Variants in CDK14 observed in about 807,000 individuals in gnomAD.
CDK14 encodes the protein cyclin dependent kinase 14.
A neutral mutation model predicts 60.7 loss-of-function variants in CDK14; 34 were observed. That is an observed-to-expected ratio of 0.56 (90% CI 0.43 to 0.75). The LOEUF (loss-of-function observed/expected upper bound fraction) is 0.75. Among genes scored for constraint, CDK14 ranks in the 30% least tolerant of loss-of-function variants. The probability of loss-of-function intolerance (pLI) is 0.00; values close to 1 mark genes in which losing one functional copy is unlikely to be tolerated. For synonymous variants in CDK14, 197 were observed against 203.7 expected (o/e 0.97, Z 0.28); for missense variants, 482 against 564.1 (o/e 0.85, Z 1.47).
intron 2 of CDK14, among the ~76,000 whole-genome samples, chr7:90,687,546 G>A (rs1801462759): frequency 6.6e-6 from 1 of 151,982 alleles, no homozygotes; most frequent in Non-Finnish European, 1.5e-5. Flanking sequence ...AAATAATTAA[G>A]GGATATGAAG....
chr7:91,041,673 C>G (rs1385481782), intron 10 of CDK14, among the ~76,000 whole-genome samples: 2 of 152,176 alleles, frequency 1.3e-5, no homozygotes, highest in Non-Finnish European at 2.9e-5. Context: ...TGAAAAGTGC[C>G]GATGTCAACT....
At position 90,822,357 on chromosome 7, in the gene CDK14, C is replaced by T. The variant is rs114481989; in HGVS notation, c.544+31705C>T. On this transcript the variant is annotated intron_variant, in intron 5 of 14. Coordinates refer to ENST00000380050, the MANE Select transcript of CDK14 (RefSeq NM_001287135.2). ...AGAATTTCAGAGTTACATGTGTGTA[C>T]GGGTTTGGGTGGCTCCTACATGGAT... Among the ~76,000 whole-genome samples, 1,433 of 152,236 alleles carry T rather than the reference C, an allele frequency of 9.4e-3. 27 individuals carry two copies. The highest frequency in any genetic ancestry group is 0.033 in the African/African-American group (1,374 of 41,556).
chr7:91,202,097 C>T (rs1414447626), intron 14 of CDK14, among the ~76,000 whole-genome samples: 1 of 152,140 alleles, frequency 6.6e-6, no homozygotes, highest in Non-Finnish European at 1.5e-5. Context: ...AGCGGGACTG[C>T]TCATTTTCAT....
chr7:90,622,849 A>G (rs1324305808), intron 2 of CDK14, among the ~76,000 whole-genome samples: 5 of 150,864 alleles, frequency 3.3e-5, no homozygotes, highest in Admixed American at 2.0e-4. Flanking sequence ...CTTATCTCAG[A>G]TCAAAGTTTC....
At chr7:90,947,765 A>G (rs191968675) in intron 8 of CDK14, among the ~76,000 whole-genome samples, 1 of 152,342 alleles carries the variant, frequency 6.6e-6, no homozygotes, top group East Asian at 1.9e-4. Context: ...TAAGCCTCCC[A>G]TACAAACACT....
At chr7:91,185,713 T>G (rs1203625594) in intron 14 of CDK14, among the ~76,000 whole-genome samples, 2 of 151,816 alleles carry the variant, frequency 1.3e-5, no homozygotes, top group Admixed American at 1.3e-4. Flanking sequence ...TAAATATACT[T>G]TAAATAAATA....
chr7:91,074,425 C>T (rs1274227130), intron 11 of CDK14, among the ~76,000 whole-genome samples: 1 of 152,086 alleles, frequency 6.6e-6, no homozygotes, highest in Non-Finnish European at 1.5e-5. Flanking sequence ...GAAATTAAGG[C>T]AGAAATCAAG....
chr7:90,726,634 C>T lies in CDK14; in HGVS notation c.191C>T (p.Thr64Ile). ...GACTCAGTGATCAAACCCCTGGACA[C>T]AATTCCTGAGGATAAAAAAGTCAGA... ...GMDSVIKPLD[T>I]IPEDKKVRVQ... Residue 64 changes from threonine (T) to isoleucine (I), a missense_variant, in exon 3 of 15, where the codon ACA (threonine) becomes ATA (isoleucine). Thr to Ile is a moderately conservative substitution (Grantham distance 89). Coordinates refer to ENST00000380050, the MANE Select transcript of CDK14 (RefSeq NM_001287135.2). 6.2e-7 allele frequency: 1 copy of T among 1,613,796 alleles called. No individual in the cohort carries two copies. The highest frequency in any genetic ancestry group is 1.1e-5 in the South Asian group (1 of 91,080).
At position 90,736,754 on chromosome 7, in the gene CDK14, A is replaced by C. The variant is rs552550727; in HGVS notation, c.369+9942A>C. On this transcript the variant is annotated intron_variant, in intron 3 of 14. Coordinates refer to ENST00000380050, the MANE Select transcript of CDK14 (RefSeq NM_001287135.2). ...ATTGCAGCCACTGTTTTAATGAGGAAAGCATTGTTTTTTGGAAATACTGTG... is the reference window on the plus strand; with the variant it reads ...ATTGCAGCCACTGTTTTAATGAGGACAGCATTGTTTTTTGGAAATACTGTG... 6.6e-5 allele frequency among the ~76,000 whole-genome samples: 10 copies of C among 152,274 alleles called. No homozygotes were observed. The East Asian group carries it at 1.9e-3, about 29-fold the overall frequency.
intron 14 of CDK14, among the ~76,000 whole-genome samples, chr7:91,191,565 A>T (rs1008302384): frequency 2.0e-4 from 30 of 151,878 alleles, no homozygotes; most frequent in African/African-American, 7.3e-4. Context: ...ATGTATATAT[A>T]CATAACTTAT....
intron 14 of CDK14, among the ~76,000 whole-genome samples, chr7:91,120,306 A>G (rs1799741956): frequency 6.6e-6 from 1 of 152,056 alleles, no homozygotes; most frequent in Admixed American, 6.5e-5. Context: ...GTTGCTCAGA[A>G]AGTCTCAAAG....
intron 5 of CDK14, among the ~76,000 whole-genome samples, chr7:90,814,386 TA>T (rs1271332418): frequency 1.3e-5 from 2 of 152,128 alleles, no homozygotes; most frequent in African/African-American, 4.8e-5. Flanking sequence ...AGCTTTTTTT[TA>T]AAAAAATTAT....
chr7:90,671,089 C>T (rs1801087962), intron 2 of CDK14, among the ~76,000 whole-genome samples: 2 of 152,040 alleles, frequency 1.3e-5, no homozygotes, highest in Non-Finnish European at 2.9e-5. Flanking sequence ...TTTGGTGCCC[C>T]GGCTCTCCTG....
chr7:90,689,583 C>T (rs1360571934), intron 2 of CDK14, among the ~76,000 whole-genome samples: 1 of 152,196 alleles, frequency 6.6e-6, no homozygotes, highest in Admixed American at 6.6e-5. Flanking sequence ...ATTAGATCTT[C>T]TCATACTACC....
chr7:91,066,886 C>G (rs1209289061), intron 11 of CDK14, among the ~76,000 whole-genome samples: 2 of 152,194 alleles, frequency 1.3e-5, no homozygotes, highest in African/African-American at 4.8e-5. Context: ...TGCAATGTCC[C>G]TGCACTAAGA....
chr7:90,664,927 CT>C (rs1800944393), intron 2 of CDK14, among the ~76,000 whole-genome samples: 1 of 152,042 alleles, frequency 6.6e-6, no homozygotes, highest in Non-Finnish European at 1.5e-5. Flanking sequence ...TACTGTAAAA[CT>C]TAAAGTATAA....
intron 2 of CDK14, among the ~76,000 whole-genome samples, chr7:90,628,193 G>A (rs976703447): frequency 2.0e-5 from 3 of 152,162 alleles, no homozygotes; most frequent in Non-Finnish European, 4.4e-5. Flanking sequence ...CTGGACTCAA[G>A]TAATCTACCT....
chr7:90,820,520 A>G (rs903376520), intron 5 of CDK14, among the ~76,000 whole-genome samples: 5 of 152,148 alleles, frequency 3.3e-5, no homozygotes, highest in Admixed American at 2.6e-4. Flanking sequence ...TCCTGCCACC[A>G]TGTAAGATAT....
At chr7:90,962,658 C>T (rs1562847069) in intron 9 of CDK14, among the ~76,000 whole-genome samples, 1 of 152,062 alleles carries the variant, frequency 6.6e-6, no homozygotes, top group Non-Finnish European at 1.5e-5. Flanking sequence ...TTGTTCACTA[C>T]CAAATATTTT....
Sources: gnomAD v4.1 joint callset for allele counts (sites outside exome capture counted in the v4.1 genomes callset) on GRCh38, gnomAD v4.1.1 for gene constraint, MANE v1.5 for transcripts, NCBI Gene and HGNC (gene_info 2026-07-23, HGNC 2026-07-21) for gene names.